POLR1A: variants seen among roughly 807,000 people sequenced by gnomAD.
POLR1A encodes DNA-directed RNA polymerase I subunit RPA1.
POLR1A carries 84 observed loss-of-function variants against 205.3 expected under a neutral mutation model. The ratio of observed to expected loss-of-function variants is 0.41; its 90% CI spans 0.34 to 0.49. The LOEUF (loss-of-function observed/expected upper bound fraction) is 0.49, where lower values mean the gene tolerates loss of function less well. Among genes scored for constraint, POLR1A ranks in the 20% least tolerant of loss-of-function variants. The probability of loss-of-function intolerance (pLI) is 0.22; values close to 1 mark genes in which losing one functional copy is unlikely to be tolerated. For synonymous variants in POLR1A, 799 were observed against 863.7 expected (o/e 0.93, Z 1.31); for missense variants, 1,645 against 2,204.5 (o/e 0.75, Z 5.08).
chr2:86,058,433 G>C (rs1364747848), intron 14 of POLR1A, among the ~76,000 whole-genome samples: 1 of 146,460 alleles, frequency 6.8e-6, no homozygotes, highest in East Asian at 2.0e-4. Context: ...ATAGAGATGG[G>C]GGTCTCACTG....
intron 15 of POLR1A, 67 bp from the exon 16 acceptor site, chr2:86,053,067 T>C (rs1672834575): frequency 1.6e-6 from 2 of 1,236,504 alleles, no homozygotes; most frequent in South Asian, 3.4e-5. Context: ...ACCCACCCTC[T>C]ACTCCATGTG....
chr2:86,071,228 A>ATGTGTGTG (rs3077169), intron 12 of POLR1A, among the ~76,000 whole-genome samples: 48 of 43,622 alleles, frequency 1.1e-3, no homozygotes, highest in Middle Eastern at 0.026. Context: ...CTCCGTGTGC[A>ATGTGTGTG]TGTGTGTGTG....
At chr2:86,051,575 G>A (rs1252022812) in intron 16 of POLR1A, among the ~76,000 whole-genome samples, 1 of 152,186 alleles carries the variant, frequency 6.6e-6, no homozygotes, top group Non-Finnish European at 1.5e-5. Flanking sequence ...ACCAGACAAC[G>A]CCTATGCACA....
rs561666154 is a variant in POLR1A, at chr2:86,081,036, T to A, written c.924-58A>T. 6.4e-5 allele frequency: 96 copies of A among 1,499,292 alleles called. No individual in the cohort carries two copies. The African/African-American group carries it at 1.2e-3, about 19-fold the overall frequency. 92.9% of individuals were successfully genotyped at this position (1,499,292 alleles called of 1,614,324 possible). ...TAGTGTGAGGAAAGGGTCATGTTCTTCAGCCTCTCACCCATGCCTACTGTA... is the reference window on the plus strand; with the variant it reads ...TAGTGTGAGGAAAGGGTCATGTTCTACAGCCTCTCACCCATGCCTACTGTA... On this transcript the variant is annotated intron_variant, in intron 8 of 33. Coordinates refer to ENST00000263857, the MANE Select transcript of POLR1A (RefSeq NM_015425.6).
At chr2:86,098,027 C>CA (rs1673738731) in intron 3 of POLR1A, among the ~76,000 whole-genome samples, 1 of 151,920 alleles carries the variant, frequency 6.6e-6, no homozygotes, top group Non-Finnish European at 1.5e-5. Flanking sequence ...TGTGTTAATA[C>CA]AAAAAAAGAC....
chr2:86,047,109 T>A (rs1438286491), intron 19 of POLR1A, 56 bp downstream of exon 19: 1 of 1,179,704 alleles, frequency 8.5e-7, no homozygotes, highest in Admixed American at 1.7e-5. Flanking sequence ...CCTCCTGCTA[T>A]CCCCCACCTG....
In POLR1A at chr2:86,041,978, T is replaced by G. The variant is rs778036734; in HGVS notation, c.3483A>C (p.Glu1161Asp). 1 of 1,614,204 alleles carries G rather than the reference T, an allele frequency of 6.2e-7. No homozygotes were observed. Among genetic ancestry groups the G allele is most frequent in the South Asian group, 1.1e-5 (1 of 91,084 alleles). ...AGTCATCAACCTTTGTTTCAAATGTTTCTGACACTGATGCAAAGTAGATGT... is the reference window on the plus strand; with the variant it reads ...AGTCATCAACCTTTGTTTCAAATGTGTCTGACACTGATGCAAAGTAGATGT... ...RPDIYFASVS[E>D]TFETKVDDYS... is the part of the protein sequence containing the mutation. Residue 1161 changes from glutamate to aspartate, a missense_variant, in exon 24 of 34, where the codon GAA (glutamate) becomes GAC (aspartate). Around this residue, in one of 16 missense-constraint regions of POLR1A, gnomAD observed 201 missense variants for 222.3 expected, o/e 0.90. Coordinates refer to ENST00000263857, the MANE Select transcript of POLR1A (RefSeq NM_015425.6).
chr2:86,077,639 T>G (rs962274299), intron 11 of POLR1A, among the ~76,000 whole-genome samples: 3 of 151,786 alleles, frequency 2.0e-5, no homozygotes, highest in African/African-American at 7.3e-5. Flanking sequence ...TAGCAAGGAG[T>G]GACAGCAATG....
In POLR1A at chr2:86,038,716, G is replaced by A. The variant is rs1186042105; in HGVS notation, c.4018C>T (p.Arg1340Cys). The A allele has an allele frequency of 2.2e-5, 35 of 1,613,582 alleles. No individual in the cohort carries two copies. In the Admixed American group the frequency reaches 3.0e-4, roughly 14 times the overall value. Residue 1340 changes from arginine to cysteine, a missense_variant, in exon 27 of 34, where the codon CGC becomes TGC. By Grantham distance (180) the Arg-to-Cys change is radical. Coordinates refer to ENST00000263857, the MANE Select transcript of POLR1A (RefSeq NM_015425.6). ...EKCLRPEDIL[R>C]FMETRFFKLL... is the part of the protein sequence containing the mutation. Reference sequence around the variant, plus strand: ...AGCCCTGACCTTGTTTCCATGAAGCGCAGGATGTCCTCGGGTCTCAGGCAC... The same window carrying A: ...AGCCCTGACCTTGTTTCCATGAAGCACAGGATGTCCTCGGGTCTCAGGCAC...
intron 6 of POLR1A, among the ~76,000 whole-genome samples, chr2:86,085,963 G>C (rs554052323): frequency 2.0e-5 from 3 of 152,336 alleles, no homozygotes; most frequent in African/African-American, 7.2e-5. Flanking sequence ...ATGGAGCACA[G>C]GGAGCGCACT....
chr2:86,041,685 C>G (rs972328782), intron 24 of POLR1A, among the ~76,000 whole-genome samples: 1 of 152,142 alleles, frequency 6.6e-6, no homozygotes, highest in Admixed American at 6.5e-5. Context: ...ATGGGGGTGT[C>G]CACTCCTGCC....
intron 2 of POLR1A, 130 bp from the exon 3 acceptor site, chr2:86,098,890 G>C (rs534155187): frequency 2.8e-6 from 2 of 707,930 alleles, no homozygotes; most frequent in South Asian, 3.6e-5. Flanking sequence ...CAGCCTACAT[G>C]CTTAGAAAGG....
rs377139231 is a variant in POLR1A, at chr2:86,052,932, G to A, written c.2277C>T (p.Tyr759=). ...TCTCATAGCAGCAGTGGACCAGGCC[G>A]TAGGCGGAGCTCCCATAGTGCGCCT... ...LDKAHYGSSA[Y]GLVHCCYEIY... The change falls in exon 16 of 34, where the codon TAC becomes TAT. Residue 759 remains tyrosine (Y), a synonymous_variant. Transcript: ENST00000263857. 33 of 1,609,346 alleles carry A rather than the reference G, an allele frequency of 2.1e-5. No individual in the cohort carries two copies. In the African/African-American group the frequency reaches 2.7e-4, roughly 13 times the overall value.
At chr2:86,105,641 T>C (rs1320454371) in intron 1 of POLR1A, 59 bp downstream of exon 1, 3 of 1,169,514 alleles carry the variant, frequency 2.6e-6, no homozygotes, top group African/African-American at 1.5e-5. Context: ...CTGGGAATCG[T>C]AGTTTAGGGC....
intron 22 of POLR1A, 109 bp from the exon 23 acceptor site, chr2:86,043,304 T>C (rs1278308992): frequency 4.6e-6 from 4 of 861,802 alleles, no homozygotes; most frequent in Non-Finnish European, 7.5e-6. Context: ...CCCAGGTGGC[T>C]GGTGTGGAGC....
intron 9 of POLR1A, among the ~76,000 whole-genome samples, chr2:86,080,393 T>C (rs1230450777): frequency 1.3e-5 from 2 of 152,174 alleles, no homozygotes; most frequent in African/African-American, 2.4e-5. Flanking sequence ...AAAATAGAGC[T>C]GGCAACATGA....
intron 6 of POLR1A, among the ~76,000 whole-genome samples, chr2:86,085,406 G>A (rs761220924): frequency 3.3e-5 from 5 of 152,182 alleles, no homozygotes; most frequent in South Asian, 2.1e-4. Flanking sequence ...ATGAGTTAAC[G>A]CAACTGAAGG....
chr2:86,087,630 C>A (rs7559420), intron 6 of POLR1A, among the ~76,000 whole-genome samples: 110,947 of 152,104 alleles, frequency 0.73, 42,639 homozygotes, highest in Non-Finnish European at 0.85. Flanking sequence ...GCAGAGTGCG[C>A]CTCCTGGGTT....
chr2:86,053,479 A>G (rs1264633354), intron 15 of POLR1A, among the ~76,000 whole-genome samples: 1 of 152,134 alleles, frequency 6.6e-6, no homozygotes, highest in Non-Finnish European at 1.5e-5. Flanking sequence ...TAACAACAAA[A>G]TCTTCCTAAC....
Sources: gnomAD v4.1 joint callset for allele counts (sites outside exome capture counted in the v4.1 genomes callset) on GRCh38, gnomAD v4.1.1 for gene constraint, gnomAD v4.1.1 regional missense constraint, MANE v1.5 for transcripts, NCBI Gene and HGNC (gene_info 2026-07-23, HGNC 2026-07-21) for gene names.